MLIP: variants seen among roughly 807,000 people sequenced by gnomAD.
MLIP encodes muscular LMNA interacting protein, also known as muscular LMNA-interacting protein.
MLIP carries 79 observed loss-of-function variants against 84.8 expected under a neutral mutation model. The observed-to-expected ratio is 0.93, with a 90% CI of 0.78 to 1.12. The LOEUF (loss-of-function observed/expected upper bound fraction) is 1.12, where lower values mean the gene tolerates loss of function less well. MLIP is among the 50% of genes most tolerant of loss of function. The pLI is 0.00. For missense variants in MLIP, 1,257 were observed against 1,160.6 expected (o/e 1.08, Z -1.21); for synonymous variants, 504 against 463.0 (o/e 1.09, Z -1.14).
Position 54,133,776 on chromosome 6 carries a change from A to G in MLIP, c.646-2939A>G, listed in dbSNP as rs71558855. Among the ~76,000 whole-genome samples, 788 of 152,314 alleles carry G rather than the reference A, an allele frequency of 5.2e-3. 3 individuals carry two copies. The highest frequency in any genetic ancestry group is 6.6e-3 in the Non-Finnish European group (450 of 68,022). ...CATCTACTTACCTAATGATAGGAGC[A>G]CATTTCATCTTCTGTTACTGAGATT... is the stretch of plus-strand genomic sequence containing the variant. On this transcript the variant is annotated intron_variant, in intron 3 of 13. Transcript: ENST00000502396.
upstream of MLIP, among the ~76,000 whole-genome samples, chr6:54,107,709 G>A (rs1582156939): frequency 6.6e-6 from 1 of 152,196 alleles, no homozygotes; most frequent in Non-Finnish European, 1.5e-5. Context: ...CGTCACGAGT[G>A]AAGGTGTCTC....
Position 54,230,562 on chromosome 6 carries a change from A to T in MLIP, c.2719-152A>T, listed in dbSNP as rs1780919320. The T allele has an allele frequency of 4.3e-6, 3 of 704,560 alleles. No homozygotes were observed. In the South Asian group the frequency reaches 5.1e-5, roughly 12 times the overall value. The allele number at this position is 704,560 out of a possible 1,614,324, so 43.6% of individuals were successfully genotyped here. On this transcript the variant is annotated intron_variant, in intron 11 of 13. Transcript: ENST00000502396. The stretch of plus-strand genomic sequence containing the variant: ...AAAGAGACACACAATATACACTGAA[A>T]GCAGTTGTCTCATGAGGGACACCAT...
At position 54,232,731 on chromosome 6, in the gene MLIP, A is replaced by G. The variant is rs73741482; in HGVS notation, c.2922+1814A>G. On this transcript the variant is annotated intron_variant, in intron 12 of 13. Transcript: ENST00000502396. Reference sequence around the variant, plus strand: ...ATAACTTAATGCCTTTAATTGCAAGACATAATCTGTTATTTAATTAACTTT... The same window carrying G: ...ATAACTTAATGCCTTTAATTGCAAGGCATAATCTGTTATTTAATTAACTTT... 8.3e-3 allele frequency among the ~76,000 whole-genome samples: 1,268 copies of G among 152,298 alleles called. 19 individuals carry two copies. The highest frequency in any genetic ancestry group is 0.028 in the African/African-American group (1,150 of 41,566).
chr6:54,108,448 G>T (rs1046164451), upstream of MLIP, among the ~76,000 whole-genome samples: 4 of 152,124 alleles, frequency 2.6e-5, no homozygotes, highest in African/African-American at 9.7e-5. Context: ...TTTAAATACA[G>T]AATGGTTTCT....
At chr6:54,243,860 T>C (rs1333882183) in intron 12 of MLIP, among the ~76,000 whole-genome samples, 1 of 152,140 alleles carries the variant, frequency 6.6e-6, no homozygotes, top group Non-Finnish European at 1.5e-5. Context: ...AGTCTACAGA[T>C]AAGAAAACTG....
rs754650389 is a variant in MLIP at position 54,230,702 on chromosome 6, C to T, written c.2719-12C>T. Reference sequence around the variant, plus strand: ...GCTAACATCCTCTTATGCCTTTCTTCTTCCCCACCAGGATGTAACAGTCCC... The same window carrying T: ...GCTAACATCCTCTTATGCCTTTCTTTTTCCCCACCAGGATGTAACAGTCCC... On this transcript the variant is annotated splice_polypyrimidine_tract_variant and intron_variant, in intron 11 of 13. Coordinates refer to ENST00000502396, the MANE Select transcript of MLIP (RefSeq NM_001281747.2). 4 of 1,613,062 alleles carry T rather than the reference C, an allele frequency of 2.5e-6. No individual in the cohort carries two copies. Among genetic ancestry groups the T allele is most frequent in the Non-Finnish European group, 3.4e-6 (4 of 1,179,320 alleles).
intron 1 of MLIP, among the ~76,000 whole-genome samples, chr6:54,084,353 A>G (rs1037838759): frequency 6.6e-6 from 1 of 152,160 alleles, no homozygotes; most frequent in Non-Finnish European, 1.5e-5. Context: ...GGTGCTGAAC[A>G]TGATCACATT....
chr6:54,237,084 C>CG (rs1562092519), intron 12 of MLIP, among the ~76,000 whole-genome samples: 1 of 151,680 alleles, frequency 6.6e-6, no homozygotes, highest in Non-Finnish European at 1.5e-5. Flanking sequence ...CTGAGAAGAC[C>CG]GTCACTTATG....
chr6:54,190,109 A>T (rs550740218), intron 10 of MLIP, among the ~76,000 whole-genome samples, 195 bp downstream of exon 10: 1 of 152,364 alleles, frequency 6.6e-6, no homozygotes, highest in East Asian at 1.9e-4. Flanking sequence ...GTAAAACTAT[A>T]CATAGACCTT....
intron 1 of MLIP, among the ~76,000 whole-genome samples, chr6:54,041,965 T>C (rs1232391144): frequency 6.6e-6 from 1 of 152,130 alleles, no homozygotes; most frequent in Non-Finnish European, 1.5e-5. Flanking sequence ...ATGGTACCAC[T>C]TAGTGAGAAC....
At chr6:54,068,414 G>T (rs1422746628) in intron 1 of MLIP, among the ~76,000 whole-genome samples, 1 of 98,542 alleles carries the variant, frequency 1.0e-5, no homozygotes, top group Non-Finnish European at 2.9e-5. Context: ...TGTCATAACA[G>T]GCGAGCCACT....
intron 1 of MLIP, among the ~76,000 whole-genome samples, chr6:54,061,704 C>T (rs934056152): frequency 4.6e-5 from 7 of 152,136 alleles, no homozygotes; most frequent in African/African-American, 1.7e-4. Flanking sequence ...CCCATGCTCT[C>T]AGGGAGTTTA....
At chr6:54,189,475 A>G (rs1183913544) in intron 9 of MLIP, among the ~76,000 whole-genome samples, 1 of 152,154 alleles carries the variant, frequency 6.6e-6, no homozygotes, top group Non-Finnish European at 1.5e-5. Flanking sequence ...ATTTGTTTCA[A>G]TTTGCTTTAA....
At chr6:54,037,555 C>T (rs539986387) in intron 1 of MLIP, among the ~76,000 whole-genome samples, 11 of 151,996 alleles carry the variant, frequency 7.2e-5, no homozygotes, top group African/African-American at 2.7e-4. Flanking sequence ...ACACTGTTCT[C>T]CATCATGGTT....
chr6:54,192,179 C>T (rs1054646830), intron 10 of MLIP, among the ~76,000 whole-genome samples: 1 of 151,580 alleles, frequency 6.6e-6, no homozygotes, highest in African/African-American at 2.4e-5. Flanking sequence ...TTACTTAAGT[C>T]CTTTTCTCTA....
At chr6:54,128,094 G>C (rs1044462168) in intron 3 of MLIP, among the ~76,000 whole-genome samples, 2 of 152,152 alleles carry the variant, frequency 1.3e-5, no homozygotes, top group African/African-American at 4.8e-5. Context: ...AATTAAGCAT[G>C]AATGAAGTTT....
At chr6:54,042,172 AT>A (rs1764781448) in intron 1 of MLIP, among the ~76,000 whole-genome samples, 1 of 152,092 alleles carries the variant, frequency 6.6e-6, no homozygotes, top group Non-Finnish European at 1.5e-5. Flanking sequence ...AGCCTATGCA[AT>A]TTTTGGCTTT....
intron 1 of MLIP, among the ~76,000 whole-genome samples, chr6:54,093,749 C>T (rs1008399730): frequency 1.3e-5 from 2 of 152,208 alleles, no homozygotes; most frequent in Admixed American, 6.5e-5. Context: ...TGCTACTGGC[C>T]CTGTGACCCA....
At chr6:54,053,072 GC>G (rs764753147) in intron 1 of MLIP, among the ~76,000 whole-genome samples, 17 of 152,234 alleles carry the variant, frequency 1.1e-4, no homozygotes, top group Admixed American at 3.9e-4. Context: ...ACTTATATTA[GC>G]CCCATTTTAT....
Sources: allele counts gnomAD v4.1 joint callset (sites outside exome capture counted in the v4.1 genomes callset), GRCh38; gene constraint gnomAD v4.1.1; transcripts MANE v1.5; gene names NCBI Gene and HGNC (gene_info 2026-07-23, HGNC 2026-07-21).